Variants in ETS1 observed in about 807,000 individuals in gnomAD.
ETS1 encodes the protein protein C-ets-1.
In ETS1, 15 loss-of-function variants were observed where a neutral mutation model predicts 58.6. The observed-to-expected ratio is 0.26, with a 90% CI of 0.17 to 0.39. The LOEUF (loss-of-function observed/expected upper bound fraction) is 0.39, where lower values mean the gene tolerates loss of function less well. Ranked by LOEUF, ETS1 falls within the 10% of genes least tolerant of loss-of-function variation. The pLI is 1.00. For missense variants in ETS1, 417 were observed against 610.5 expected (o/e 0.68, Z 3.34); for synonymous variants, 214 against 218.2 (o/e 0.98, Z 0.17).
intron 3 of ETS1, among the ~76,000 whole-genome samples, chr11:128,508,600 C>A (rs888134679): frequency 7.2e-5 from 11 of 152,156 alleles, no homozygotes; most frequent in African/African-American, 2.7e-4. Context: ...TCTCCTTTGT[C>A]TTAGAGGGCT....
At chr11:128,572,362 A>G (rs950819384) in intron 2 of ETS1, 2 of 152,246 alleles carry the variant, frequency 1.3e-5, no homozygotes, top group African/African-American at 4.8e-5. Context: ...TCTTTGAATA[A>G]AAACGTAACA....
At chr11:128,556,861 A>C (rs1400993614) in intron 2 of ETS1, among the ~76,000 whole-genome samples, 1 of 152,208 alleles carries the variant, frequency 6.6e-6, no homozygotes, top group Non-Finnish European at 1.5e-5. Context: ...ATACATGCCA[A>C]AGGAAAAAAA....
intron 3 of ETS1, among the ~76,000 whole-genome samples, chr11:128,541,318 A>G (rs1165443908): frequency 6.6e-6 from 1 of 152,202 alleles, no homozygotes; most frequent in African/African-American, 2.4e-5. Context: ...AAGATGCTCT[A>G]ATGTCACTGA....
intron 3 of ETS1, chr11:128,497,691 A>AT (rs1227315843): frequency 2.1e-6 from 1 of 472,186 alleles, no homozygotes; most frequent in African/African-American, 2.1e-5. Flanking sequence ...GACAAAAGGG[A>AT]TTGCAGGCAT....
At chr11:128,532,880 T>C (rs891372577) in intron 3 of ETS1, among the ~76,000 whole-genome samples, 2 of 152,048 alleles carry the variant, frequency 1.3e-5, no homozygotes, top group African/African-American at 4.8e-5. Context: ...AGGACATCTA[T>C]CTCCCTCTAT....
intron 3 of ETS1, among the ~76,000 whole-genome samples, chr11:128,514,475 T>C (rs1863471366): frequency 6.6e-6 from 1 of 152,204 alleles, no homozygotes; most frequent in Non-Finnish European, 1.5e-5. Context: ...CGCTGCTCTC[T>C]ATATGGAAAA....
At chr11:128,506,445 T>C (rs1420479506) in intron 3 of ETS1, among the ~76,000 whole-genome samples, 1 of 152,176 alleles carries the variant, frequency 6.6e-6, no homozygotes. Flanking sequence ...AATAGCTATA[T>C]GCTCACAACA....
At chr11:128,514,378 T>C (rs1409622447) in intron 3 of ETS1, among the ~76,000 whole-genome samples, 1 of 152,090 alleles carries the variant, frequency 6.6e-6, no homozygotes, top group East Asian at 1.9e-4. Flanking sequence ...CCTACTTCCT[T>C]CCTTCATCCC....
intron 3 of ETS1, among the ~76,000 whole-genome samples, chr11:128,495,065 C>T (rs1862902333): frequency 6.6e-6 from 1 of 152,158 alleles, no homozygotes; most frequent in South Asian, 2.1e-4. Context: ...ATACACTATT[C>T]CAAAATATCC....
At chr11:128,525,253 C>A (rs1397635116) in intron 3 of ETS1, among the ~76,000 whole-genome samples, 1 of 152,016 alleles carries the variant, frequency 6.6e-6, no homozygotes, top group Non-Finnish European at 1.5e-5. Flanking sequence ...TGGAGCTAGA[C>A]AATAATATTA....
At chr11:128,543,125 G>A (rs1403653668) in intron 3 of ETS1, among the ~76,000 whole-genome samples, 2 of 151,624 alleles carry the variant, frequency 1.3e-5, no homozygotes, top group African/African-American at 4.9e-5. Flanking sequence ...CCCTGGAGGC[G>A]GAAGTTGCAG....
chr11:128,544,027 C>T (rs1864094434), intron 3 of ETS1, among the ~76,000 whole-genome samples: 1 of 151,952 alleles, frequency 6.6e-6, no homozygotes, highest in Non-Finnish European at 1.5e-5. Flanking sequence ...ACTCACTGCT[C>T]ACCTGAAGCT....
At chr11:128,564,219 G>T (rs2135566549) in intron 2 of ETS1, among the ~76,000 whole-genome samples, 1 of 152,334 alleles carries the variant, frequency 6.6e-6, no homozygotes, top group South Asian at 2.1e-4. Flanking sequence ...GATCAAGCCT[G>T]AGGGTGGTGA....
intron 3 of ETS1, among the ~76,000 whole-genome samples, chr11:128,552,984 G>T (rs1322741514): frequency 2.0e-5 from 3 of 152,230 alleles, no homozygotes; most frequent in African/African-American, 7.2e-5. Context: ...GAGGTTGAGG[G>T]ACAGAATAGA....
chr11:128,567,054 T>G (rs1864518502), intron 2 of ETS1, among the ~76,000 whole-genome samples: 1 of 152,102 alleles, frequency 6.6e-6, no homozygotes, highest in African/African-American at 2.4e-5. Context: ...AGAAAGAAAA[T>G]GTACAAAAGA....
intron 8 of ETS1, among the ~76,000 whole-genome samples, chr11:128,475,638 G>A (rs1025361050): frequency 5.9e-5 from 8 of 135,092 alleles, no homozygotes; most frequent in Admixed American, 3.5e-4. Context: ...TGCAAGCTCC[G>A]CCTCCTGGGT....
intron 3 of ETS1, among the ~76,000 whole-genome samples, chr11:128,517,033 A>T (rs1863544447): frequency 6.6e-6 from 1 of 152,138 alleles, no homozygotes; most frequent in Admixed American, 6.5e-5. Flanking sequence ...AAAAACAAGA[A>T]TCCTGGTTCT....
At chr11:128,492,673 G>A (rs1862833287) in intron 3 of ETS1, among the ~76,000 whole-genome samples, 1 of 152,188 alleles carries the variant, frequency 6.6e-6, no homozygotes, top group Admixed American at 6.5e-5. Context: ...TCAAACAATG[G>A]AGTAATCATC....
chr11:128,554,814 A>T (rs1864287591), intron 3 of ETS1, among the ~76,000 whole-genome samples: 1 of 152,174 alleles, frequency 6.6e-6, no homozygotes, highest in African/African-American at 2.4e-5. Flanking sequence ...CAAGAATTAT[A>T]CAAATATAAA....
Sources: allele counts gnomAD v4.1 joint callset (sites outside exome capture counted in the v4.1 genomes callset), GRCh38; gene constraint gnomAD v4.1.1; transcripts MANE v1.5; gene names NCBI Gene and HGNC (gene_info 2026-07-23, HGNC 2026-07-21).